The following MYOF variants were observed in gnomAD, a reference collection of about 807,000 sequenced individuals.
The protein encoded by MYOF is myoferlin.
In MYOF, 244 loss-of-function variants were observed where a neutral mutation model predicts 284.2. The observed-to-expected ratio is 0.86, with a 90% CI of 0.77 to 0.95. The LOEUF is 0.95. MYOF is among the 40% of genes least tolerant of loss of function. The pLI is 0.00. For synonymous variants in MYOF, 904 were observed against 919.7 expected (o/e 0.98, Z 0.31); for missense variants, 2,496 against 2,560.6 (o/e 0.97, Z 0.54).
chr10:93,383,455 C>A (rs922729828), intron 19 of MYOF, among the ~76,000 whole-genome samples: 1 of 152,062 alleles, frequency 6.6e-6, no homozygotes, highest in African/African-American at 2.4e-5. Context: ...TTGACGGGAG[C>A]ATTGTGAGTC....
intron 3 of MYOF, among the ~76,000 whole-genome samples, chr10:93,433,018 G>T (rs1409659966): frequency 1.3e-5 from 2 of 152,148 alleles, no homozygotes; most frequent in African/African-American, 4.8e-5. Flanking sequence ...GTAAATTGGG[G>T]TTATAACATG....
At chr10:93,394,720 A>T (rs1846905703) in intron 16 of MYOF, among the ~76,000 whole-genome samples, 2 of 149,382 alleles carry the variant, frequency 1.3e-5, no homozygotes, top group African/African-American at 4.9e-5. Context: ...TCAGCCTCCC[A>T]AAGTGCTGGG....
intron 4 of MYOF, among the ~76,000 whole-genome samples, chr10:93,429,818 T>C (rs774742689): frequency 6.6e-6 from 1 of 152,226 alleles, no homozygotes; most frequent in Non-Finnish European, 1.5e-5. Flanking sequence ...GAGTGCTTCT[T>C]ATTAATTATA....
At chr10:93,356,452 G>A (rs1288946053) in intron 30 of MYOF, among the ~76,000 whole-genome samples, 1 of 152,182 alleles carries the variant, frequency 6.6e-6, no homozygotes, top group Non-Finnish European at 1.5e-5. Context: ...AAGCAGGTGT[G>A]TAGACAGCAG....
chr10:93,389,746 T>A (rs1238140273), intron 17 of MYOF, among the ~76,000 whole-genome samples: 1 of 152,226 alleles, frequency 6.6e-6, no homozygotes, highest in Non-Finnish European at 1.5e-5. Flanking sequence ...GATAAGCTCC[T>A]TATTTTTGCT....
At chr10:93,316,942 C>A in intron 49 of MYOF, 129 bp from the exon 50 acceptor site, 1 of 687,642 alleles carries the variant, frequency 1.5e-6, no homozygotes. Flanking sequence ...GGCCTAAATC[C>A]TTCCACTCTA....
intron 32 of MYOF, among the ~76,000 whole-genome samples, chr10:93,352,483 C>T (rs1844570789): frequency 6.6e-6 from 1 of 152,188 alleles, no homozygotes; most frequent in South Asian, 2.1e-4. Context: ...AGTTTACAAT[C>T]TGTGACAGCA....
intron 19 of MYOF, 93 bp from the exon 20 acceptor site, chr10:93,381,489 A>G (rs1846109724): frequency 2.4e-6 from 3 of 1,263,942 alleles, no homozygotes; most frequent in Middle Eastern, 1.9e-4. Flanking sequence ...ACACCTAATA[A>G]TTAGTGCTGA....
chr10:93,370,866 AT>A (rs34306733), intron 24 of MYOF, among the ~76,000 whole-genome samples: 6 of 150,884 alleles, frequency 4.0e-5, no homozygotes, highest in African/African-American at 1.2e-4. Flanking sequence ...TGGGGCAAGG[AT>A]TTTTTTTTTA....
chr10:93,381,332 T>G lies in MYOF; in HGVS notation c.1763A>C (p.Asp588Ala). 6.2e-7 allele frequency: 1 copy of G among 1,614,196 alleles called. No homozygotes were observed. Among genetic ancestry groups the G allele is most frequent in the Non-Finnish European group, 8.5e-7 (1 of 1,180,024 alleles). Residue 588 changes from aspartate to alanine, a missense_variant, in exon 20 of 54, where the codon GAT becomes GCT. Asp to Ala is a moderately radical substitution (Grantham distance 126). Coordinates refer to ENST00000359263, the MANE Select transcript of MYOF (RefSeq NM_013451.4). ...TTCAAACTGAATGGCCTCACCAACA[T>G]CTTGCAACATGGTGGCTGAATGAAA... ...AVFHSATMLQ[D>A]VGEAIQFEVS... is the part of the protein sequence containing the mutation.
intron 1 of MYOF, among the ~76,000 whole-genome samples, chr10:93,479,777 G>A (rs1341820241): frequency 6.6e-6 from 1 of 152,100 alleles, no homozygotes; most frequent in Non-Finnish European, 1.5e-5. Context: ...TTGCTTGTTA[G>A]CTAAATGAAT....
At chr10:93,417,911 C>T (rs1260521507) in intron 5 of MYOF, among the ~76,000 whole-genome samples, 3 of 152,194 alleles carry the variant, frequency 2.0e-5, no homozygotes, top group African/African-American at 7.2e-5. Flanking sequence ...AATCCTCCCA[C>T]CTCAGCCCCT....
At chr10:93,380,671 A>C (rs1436008358) in intron 20 of MYOF, among the ~76,000 whole-genome samples, 1 of 152,190 alleles carries the variant, frequency 6.6e-6, no homozygotes, top group Non-Finnish European at 1.5e-5. Context: ...AAGCTCCTTA[A>C]AATCAGGGAC....
intron 5 of MYOF, among the ~76,000 whole-genome samples, chr10:93,423,435 G>A (rs929954311): frequency 7.0e-6 from 1 of 143,280 alleles, no homozygotes; most frequent in Non-Finnish European, 1.5e-5. Flanking sequence ...GCCGAGGCAC[G>A]AGAATTGTTT....
At chr10:93,453,770 A>G (rs1364022872) in intron 2 of MYOF, among the ~76,000 whole-genome samples, 1 of 152,180 alleles carries the variant, frequency 6.6e-6, no homozygotes, top group Non-Finnish European at 1.5e-5. Flanking sequence ...CTGTAGTCCC[A>G]GCTGCTTGGG....
At chr10:93,460,891 T>C (rs1365364802) in intron 1 of MYOF, among the ~76,000 whole-genome samples, 1 of 151,484 alleles carries the variant, frequency 6.6e-6, no homozygotes, top group Non-Finnish European at 1.5e-5. Context: ...AGGTCAGAAG[T>C]TTGAGACCAG....
At chr10:93,389,727 T>C (rs1846583898) in intron 17 of MYOF, among the ~76,000 whole-genome samples, 1 of 152,188 alleles carries the variant, frequency 6.6e-6, no homozygotes, top group African/African-American at 2.4e-5. Context: ...CTATCTCTGG[T>C]GGTCATCTGA....
chr10:93,367,566 G>T (rs546038735), intron 25 of MYOF, among the ~76,000 whole-genome samples: 1 of 152,148 alleles, frequency 6.6e-6, no homozygotes, highest in African/African-American at 2.4e-5. Flanking sequence ...AAGGCTTGGG[G>T]TCACATGACA....
chr10:93,398,768 A>G (rs1290201359), intron 13 of MYOF, among the ~76,000 whole-genome samples: 1 of 152,212 alleles, frequency 6.6e-6, no homozygotes, highest in Admixed American at 6.5e-5. Flanking sequence ...TGGTTCGAAC[A>G]CATAAAAGAT....
Sources: gnomAD v4.1 joint callset for allele counts (sites outside exome capture counted in the v4.1 genomes callset) on GRCh38, gnomAD v4.1.1 for gene constraint, MANE v1.5 for transcripts, NCBI Gene and HGNC (gene_info 2026-07-23, HGNC 2026-07-21) for gene names.